The following ZCCHC10 variants were observed in gnomAD, a reference collection of about 807,000 sequenced individuals.
The protein encoded by ZCCHC10 is zinc finger CCHC domain-containing protein 10.
In ZCCHC10, 16 loss-of-function variants were observed where a neutral mutation model predicts 19.5. The observed-to-expected ratio is 0.82, with a 90% CI of 0.56 to 1.25. ZCCHC10 has a LOEUF of 1.25. ZCCHC10 is among the 50% of genes most tolerant of loss of function. ZCCHC10 has a pLI of 0.00. For missense variants in ZCCHC10, 197 were observed against 201.0 expected (o/e 0.98, Z 0.12); for synonymous variants, 67 against 72.5 (o/e 0.92, Z 0.38).
chr5:133,024,447 T>C (rs1764533500), intron 1 of ZCCHC10, among the ~76,000 whole-genome samples: 2 of 152,216 alleles, frequency 1.3e-5, no homozygotes, highest in Admixed American at 6.5e-5. Flanking sequence ...GATAGGACCC[T>C]GGATACTGCA....
intron 2 of ZCCHC10, among the ~76,000 whole-genome samples, chr5:133,014,673 T>C (rs184712347): frequency 6.6e-6 from 1 of 152,304 alleles, no homozygotes; most frequent in Admixed American, 6.5e-5. Context: ...TCAATTTGAG[T>C]TGGAAAATTT....
intron 4 of ZCCHC10, among the ~76,000 whole-genome samples, chr5:132,999,194 A>AT (rs1762612080): frequency 6.6e-6 from 1 of 152,136 alleles, no homozygotes; most frequent in African/African-American, 2.4e-5. Context: ...AAGTGCTAGG[A>AT]TTACAGGCGT....
chr5:133,022,116 T>C (rs1394863336), intron 2 of ZCCHC10, among the ~76,000 whole-genome samples: 45 of 152,100 alleles, frequency 3.0e-4, no homozygotes, highest in Non-Finnish European at 2.9e-5. Flanking sequence ...CTTATAAATG[T>C]TTAAAACTTT....
rs35057432 is a variant in ZCCHC10 at position 133,015,077 on chromosome 5, G to GT, written c.107+7763dup. Among the ~76,000 whole-genome samples the GT allele has an allele frequency of 4.9e-3, 629 of 128,758 alleles. 18 individuals are homozygous for GT. The highest frequency in any genetic ancestry group is 7.8e-3 in the African/African-American group (254 of 32,728). 84.5% of individuals were successfully genotyped at this position (128,758 alleles called of 152,430 possible). ...GCCTACCAGACTTCGCCACTGTGAG[G>GT]TTTTTTTTTTTTTTTTTTTGAGACT... On this transcript the variant is annotated intron_variant, in intron 2 of 4. Coordinates refer to ENST00000509437, the MANE Select transcript of ZCCHC10 (RefSeq NM_001300816.3).
intron 1 of ZCCHC10, among the ~76,000 whole-genome samples, chr5:133,024,256 AC>A (rs1236532122): frequency 6.6e-6 from 1 of 152,012 alleles, no homozygotes; most frequent in Non-Finnish European, 1.5e-5. Context: ...CATTCATTTA[AC>A]TCCTCTGACC....
intron 1 of ZCCHC10, among the ~76,000 whole-genome samples, chr5:133,023,603 C>T (rs1015882509): frequency 3.3e-4 from 50 of 151,558 alleles, no homozygotes; most frequent in African/African-American, 8.0e-4. Context: ...GGAGAAACCC[C>T]GTCTCTACTA....
At chr5:133,026,160 G>A (rs975799091) in intron 1 of ZCCHC10, among the ~76,000 whole-genome samples, 1 of 152,198 alleles carries the variant, frequency 6.6e-6, no homozygotes, top group African/African-American at 2.4e-5. Context: ...TGTCGGACCG[G>A]GGCTTCAGGG....
chr5:133,012,653 G>A (rs1325292397), intron 2 of ZCCHC10, among the ~76,000 whole-genome samples: 2 of 152,070 alleles, frequency 1.3e-5, no homozygotes, highest in Non-Finnish European at 2.9e-5. Flanking sequence ...AGTGGCTCAT[G>A]CCTATAATCC....
At chr5:133,014,884 T>C (rs1428650857) in intron 2 of ZCCHC10, among the ~76,000 whole-genome samples, 3 of 152,228 alleles carry the variant, frequency 2.0e-5, no homozygotes, top group Non-Finnish European at 4.4e-5. Context: ...GAGATCATCA[T>C]AGTCCATCTT....
At chr5:133,006,374 T>C (rs557827590) in intron 3 of ZCCHC10, among the ~76,000 whole-genome samples, 2 of 152,296 alleles carry the variant, frequency 1.3e-5, no homozygotes, top group East Asian at 3.9e-4. Context: ...GTTAATTCAA[T>C]TGTCATTTCA....
chr5:133,025,405 G>A (rs1206447362), intron 1 of ZCCHC10, among the ~76,000 whole-genome samples: 3 of 150,442 alleles, frequency 2.0e-5, no homozygotes, highest in African/African-American at 7.3e-5. Flanking sequence ...TCGGGAGGCT[G>A]AGGCAGGGGA....
In ZCCHC10 at chr5:132,997,369, T is replaced by C. The variant is rs1762496838; in HGVS notation, c.*1214A>G. 1 of 152,180 alleles carries C rather than the reference T, an allele frequency of 6.6e-6. No homozygotes were observed. 9.4% of individuals were successfully genotyped at this position (152,180 alleles called of 1,614,324 possible). On this transcript the variant is annotated 3_prime_UTR_variant, in exon 5 of 5. Transcript: ENST00000509437. ...CAACATTTATAGTTTTAAAAACCTA[T>C]ATTTAACCCAAATCAAATTTTTTCT...
chr5:133,025,210 A>T (rs566858837), intron 1 of ZCCHC10, among the ~76,000 whole-genome samples: 8 of 152,268 alleles, frequency 5.3e-5, no homozygotes, highest in African/African-American at 1.9e-4. Context: ...AAAAAGCTTT[A>T]TAAGAAAGGG....
intron 3 of ZCCHC10, among the ~76,000 whole-genome samples, chr5:133,004,010 C>T (rs1179874254): frequency 4.0e-5 from 6 of 151,754 alleles, no homozygotes; most frequent in Admixed American, 1.3e-4. Flanking sequence ...GTGCCCAGTC[C>T]GGAAATGCAT....
chr5:133,024,467 G>A (rs963978423), intron 1 of ZCCHC10, among the ~76,000 whole-genome samples: 1 of 152,158 alleles, frequency 6.6e-6, no homozygotes, highest in African/African-American at 2.4e-5. Flanking sequence ...AGCCATCTTG[G>A]GAGCAAAGAA....
chr5:133,026,384 G>A, intron 1 of ZCCHC10, 113 bp downstream of exon 1: 1 of 1,453,216 alleles, frequency 6.9e-7, no homozygotes, highest in Non-Finnish European at 9.5e-7. Flanking sequence ...CCAGAAGAGT[G>A]TTTGAGAAAC....
intron 1 of ZCCHC10, among the ~76,000 whole-genome samples, chr5:133,024,699 C>A (rs1258087995): frequency 6.6e-6 from 1 of 152,062 alleles, no homozygotes; most frequent in South Asian, 2.1e-4. Flanking sequence ...ATCAGGAGTT[C>A]GAGACCAGCC....
At chr5:133,026,419 G>A (rs1460716580) in intron 1 of ZCCHC10, 78 bp downstream of exon 1, 13 of 1,559,006 alleles carry the variant, frequency 8.3e-6, no homozygotes, top group African/African-American at 2.7e-5. Flanking sequence ...GGTCCCAATA[G>A]GGGTCCGACA....
chr5:133,012,260 G>A (rs2126608431), intron 2 of ZCCHC10, among the ~76,000 whole-genome samples: 1 of 151,734 alleles, frequency 6.6e-6, no homozygotes, highest in East Asian at 1.9e-4. Context: ...CTGAGGCCAG[G>A]AGTTCGAGAC....
Sources: allele counts gnomAD v4.1 joint callset (sites outside exome capture counted in the v4.1 genomes callset), GRCh38; gene constraint gnomAD v4.1.1; transcripts MANE v1.5; gene names NCBI Gene and HGNC (gene_info 2026-07-23, HGNC 2026-07-21).